The following SERPINA12 variants were observed in gnomAD, a reference collection of about 807,000 sequenced individuals.
SERPINA12 encodes serpin family A member 12.
Under a neutral mutation model 25.9 loss-of-function variants are expected in SERPINA12, and 21 were observed. The observed-to-expected ratio is 0.81, with a 90% CI of 0.58 to 1.17. SERPINA12 has a LOEUF of 1.17. Among genes scored for constraint, SERPINA12 ranks in the 50% most tolerant of loss-of-function variants. The pLI is 0.00. For missense variants in SERPINA12, 562 were observed against 508.3 expected (o/e 1.11, Z -1.02); for synonymous variants, 220 against 196.0 (o/e 1.12, Z -1.02).
At chr14:94,498,538 C>A in intron 1 of SERPINA12, 108 bp from the exon 2 acceptor site, 2 of 904,862 alleles carry the variant, frequency 2.2e-6, no homozygotes, top group South Asian at 1.7e-5. Flanking sequence ...TTGTACATAG[C>A]AGTTTATGAG....
intron 1 of SERPINA12, chr14:94,503,323 T>A (rs1229723835): frequency 1.0e-6 from 1 of 985,128 alleles, no homozygotes; most frequent in Non-Finnish European, 1.2e-6. Context: ...ATGTCCCCAT[T>A]CCACTTGTTA....
chr14:94,491,379 T>A (rs1483404305), intron 3 of SERPINA12, among the ~76,000 whole-genome samples: 1 of 152,098 alleles, frequency 6.6e-6, no homozygotes, highest in Non-Finnish European at 1.5e-5. Context: ...AAATTGGGGT[T>A]TTTTTTCCTG....
chr14:94,517,613 CTG>C (rs1335607934), exon 1 of SERPINA12: 1 of 152,204 alleles, frequency 6.6e-6, no homozygotes, highest in Non-Finnish European at 1.5e-5. Flanking sequence ...ATCCCCAGTA[CTG>C]GAAGCTTTTG....
Position 94,498,506 on chromosome 14 carries a change from GAA to G in SERPINA12, c.-33-78_-33-77del, listed in dbSNP as rs1329476943. On this transcript the variant is annotated intron_variant, in intron 1 of 4. Transcript: ENST00000677451. ...CCCAGAGGAAGACCAGATGAAAGAA[GAA>G]ATACAGTGACTATTATGTGTTGTAC... The G allele has an allele frequency of 6.0e-6, 7 of 1,170,864 alleles. No homozygotes were observed. In the African/African-American group the frequency reaches 9.2e-5, roughly 15 times the overall value. The allele number at this position is 1,170,864 out of a possible 1,614,324, so 72.5% of individuals were successfully genotyped here.
Position 94,498,445 on chromosome 14 carries a change from A to T in SERPINA12, c.-33-15T>A. On this transcript the variant is annotated splice_polypyrimidine_tract_variant and intron_variant, in intron 1 of 4. Coordinates refer to ENST00000677451, the MANE Select transcript of SERPINA12 (RefSeq NM_001382267.1). ...GAGTAGTAGACCTGAGGTCAGCAGA[A>T]AAAAAGAACATGATAACCCCATTGC... The T allele has an allele frequency of 6.4e-7, 1 of 1,572,060 alleles. No individual in the cohort carries two copies. Among genetic ancestry groups the T allele is most frequent in the Non-Finnish European group, 8.6e-7 (1 of 1,161,040 alleles).
chr14:94,503,085 G>A (rs753560506), intron 1 of SERPINA12, among the ~76,000 whole-genome samples: 3 of 152,212 alleles, frequency 2.0e-5, no homozygotes, highest in Non-Finnish European at 2.9e-5. Context: ...GCCACTTCAG[G>A]CCTGCTCTGT....
At chr14:94,489,232 G>T (rs1423197226) in intron 4 of SERPINA12, among the ~76,000 whole-genome samples, 1 of 149,564 alleles carries the variant, frequency 6.7e-6, no homozygotes, top group African/African-American at 2.5e-5. Flanking sequence ...AGAGAAAGAG[G>T]AAAGAAAGAG....
At chr14:94,499,282 G>A (rs902881561) in intron 1 of SERPINA12, among the ~76,000 whole-genome samples, 3 of 152,172 alleles carry the variant, frequency 2.0e-5, no homozygotes, top group African/African-American at 7.2e-5. Flanking sequence ...CACCATGGGA[G>A]AGGAACAGCC....
chr14:94,513,082 T>A (rs1179842864), upstream of SERPINA12, among the ~76,000 whole-genome samples: 1 of 152,240 alleles, frequency 6.6e-6, no homozygotes, highest in East Asian at 1.9e-4. Context: ...CGGCTCACCA[T>A]GCAGGTGGAA....
rs1445714947 is a variant in SERPINA12, at chr14:94,498,527, G to A, written c.-33-97C>T. ...AGAAGAAATACAGTGACTATTATGT[G>A]TTGTACATAGCAGTTTATGAGTGCT... On this transcript the variant is annotated intron_variant, in intron 1 of 4. Transcript: ENST00000677451. The A allele has an allele frequency of 6.1e-6, 6 of 976,808 alleles. No individual in the cohort carries two copies. The East Asian group carries it at 1.2e-4, about 20-fold the overall frequency. The allele number at this position is 976,808 out of a possible 1,614,324, so 60.5% of individuals were successfully genotyped here.
intron 4 of SERPINA12, 129 bp downstream of exon 4, chr14:94,489,491 T>G: frequency 9.6e-7 from 1 of 1,036,656 alleles, no homozygotes; most frequent in Non-Finnish European, 1.4e-6. Context: ...GGGGCACAGC[T>G]GCATTCATGC....
intron 3 of SERPINA12, among the ~76,000 whole-genome samples, chr14:94,491,387 C>T (rs1222556918): frequency 6.6e-6 from 1 of 151,844 alleles, no homozygotes; most frequent in Non-Finnish European, 1.5e-5. Flanking sequence ...GTTTTTTTTC[C>T]TGAATAAAAT....
At chr14:94,492,153 A>C (rs1900204057) in intron 3 of SERPINA12, among the ~76,000 whole-genome samples, 1 of 152,130 alleles carries the variant, frequency 6.6e-6, no homozygotes, top group Non-Finnish European at 1.5e-5. Flanking sequence ...GAGGCCTGAG[A>C]CTGACTGCAC....
chr14:94,511,775 G>A, upstream of SERPINA12: 1 of 946,140 alleles, frequency 1.1e-6, no homozygotes, highest in Non-Finnish European at 1.3e-6. Flanking sequence ...GGGGGAGAGA[G>A]AAATAACACA....
rs1207421345 is a variant in SERPINA12, at chr14:94,509,447, C to A, written c.-139G>T. 2.0e-5 allele frequency among the ~76,000 whole-genome samples: 3 copies of A among 152,146 alleles called. No individual in the cohort carries two copies. Among genetic ancestry groups the A allele is most frequent in the Admixed American group, 2.0e-4 (3 of 15,268 alleles). ...TCCTTTTTCGGTCCTGGTCCTGCAG[C>A]CTTCAGGTTCCAGGTATGTTCCTCT... On this transcript the variant is annotated 5_prime_UTR_variant, in exon 1 of 5. Coordinates refer to ENST00000677451, the MANE Select transcript of SERPINA12 (RefSeq NM_001382267.1).
intron 1 of SERPINA12, chr14:94,503,202 T>C: frequency 3.0e-6 from 3 of 984,692 alleles, no homozygotes; most frequent in Non-Finnish European, 3.6e-6. Flanking sequence ...TAAGTGGTGG[T>C]AAGACATATC....
intron 1 of SERPINA12, among the ~76,000 whole-genome samples, chr14:94,505,967 G>C (rs943221499): frequency 9.9e-5 from 15 of 152,192 alleles, no homozygotes; most frequent in African/African-American, 3.6e-4. Flanking sequence ...GCACGTCTGT[G>C]GAGAGCAGTG....
upstream of SERPINA12, chr14:94,511,402 T>C: frequency 1.0e-6 from 1 of 985,128 alleles, no homozygotes; most frequent in Non-Finnish European, 1.2e-6. Flanking sequence ...TTCATAAGAA[T>C]TTCTTAATAT....
rs575561225 is a variant in SERPINA12 at position 94,515,155 on chromosome 14, T to TG, written c.-18+664dup. 5.3e-5 allele frequency among the ~76,000 whole-genome samples: 8 copies of TG among 152,270 alleles called. No homozygotes were observed. The East Asian group carries it at 1.5e-3, about 29-fold the overall frequency. Reference sequence around the variant, plus strand: ...AATGTTGGCCTGAAGGTGACATGCCTGGGGGATCCTGAAACTATGCGACGT... The same window carrying TG: ...AATGTTGGCCTGAAGGTGACATGCCTGGGGGGATCCTGAAACTATGCGACGT... On this transcript the variant is annotated intron_variant, in intron 2 of 5. Transcript: ENST00000341228.
Sources: gnomAD v4.1 joint callset for allele counts (sites outside exome capture counted in the v4.1 genomes callset) on GRCh38, gnomAD v4.1.1 for gene constraint, MANE v1.5 for transcripts, NCBI Gene and HGNC (gene_info 2026-07-23, HGNC 2026-07-21) for gene names.